The following DNM3 variants were observed in gnomAD, a reference collection of about 807,000 sequenced individuals.
The protein encoded by DNM3 is dynamin 3.
In DNM3, 47 loss-of-function variants were observed where a neutral mutation model predicts 101.6. The observed-to-expected ratio is 0.46, with a 90% CI of 0.37 to 0.59. DNM3 has a LOEUF of 0.59. Ranked by LOEUF, DNM3 falls within the 20% of genes least tolerant of loss-of-function variation. The pLI, the probability that DNM3 is intolerant of heterozygous loss-of-function variation, is 0.00. For missense variants in DNM3, 849 were observed against 1,085.7 expected (o/e 0.78, Z 3.06); for synonymous variants, 385 against 387.9 (o/e 0.99, Z 0.09).
At chr1:172,208,429 T>C (rs2060397247) in intron 14 of DNM3, among the ~76,000 whole-genome samples, 1 of 152,116 alleles carries the variant, frequency 6.6e-6, no homozygotes, top group Admixed American at 6.6e-5. Context: ...TTAATAGATT[T>C]AGAGTAAAGC....
At chr1:172,367,679 A>G (rs937716784) in intron 17 of DNM3, among the ~76,000 whole-genome samples, 8 of 151,890 alleles carry the variant, frequency 5.3e-5, no homozygotes, top group African/African-American at 1.9e-4. Flanking sequence ...AGACCAAACT[A>G]TATGCCGCCT....
intron 14 of DNM3, among the ~76,000 whole-genome samples, chr1:172,190,824 G>A (rs2059691842): frequency 6.6e-6 from 1 of 152,196 alleles, no homozygotes; most frequent in Non-Finnish European, 1.5e-5. Context: ...CTTTTGAGAA[G>A]TGTCTGTTCA....
intron 4 of DNM3, among the ~76,000 whole-genome samples, chr1:172,004,249 G>A (rs2046534680): frequency 6.6e-6 from 1 of 151,968 alleles, no homozygotes; most frequent in Non-Finnish European, 1.5e-5. Context: ...AAGAAAAATG[G>A]GAGAATAGGA....
At chr1:172,348,818 A>T (rs761140235) in intron 17 of DNM3, among the ~76,000 whole-genome samples, 1 of 152,204 alleles carries the variant, frequency 6.6e-6, no homozygotes, top group African/African-American at 2.4e-5. Flanking sequence ...TCTGAGCTAG[A>T]GTTCTTATTT....
intron 2 of DNM3, among the ~76,000 whole-genome samples, chr1:171,923,086 G>A (rs1571630699): frequency 6.6e-6 from 1 of 152,184 alleles, no homozygotes; most frequent in African/African-American, 2.4e-5. Context: ...GCTGGGCCAT[G>A]TAGTAACTCT....
chr1:172,119,847 C>G (rs1308997356), intron 13 of DNM3, among the ~76,000 whole-genome samples: 1 of 152,196 alleles, frequency 6.6e-6, no homozygotes, highest in Non-Finnish European at 1.5e-5. Flanking sequence ...TCATCTTCGA[C>G]ACCCCTTTCT....
chr1:172,210,861 T>C (rs938690647), intron 14 of DNM3, among the ~76,000 whole-genome samples: 2 of 152,090 alleles, frequency 1.3e-5, no homozygotes, highest in South Asian at 2.1e-4. Flanking sequence ...ATTTCATTCC[T>C]AGCGATAGCA....
chr1:171,878,501 T>G (rs1254558473), intron 1 of DNM3, among the ~76,000 whole-genome samples: 1 of 152,168 alleles, frequency 6.6e-6, no homozygotes, highest in Non-Finnish European at 1.5e-5. Context: ...AGCATGTTTC[T>G]GTAGAAGGAT....
At chr1:172,210,959 C>A (rs1015297593) in intron 14 of DNM3, among the ~76,000 whole-genome samples, 12 of 152,072 alleles carry the variant, frequency 7.9e-5, no homozygotes, top group African/African-American at 2.7e-4. Context: ...TTTCAGCCAT[C>A]CTTCCCTCCC....
chr1:172,114,657 C>G (rs923119248), intron 13 of DNM3, among the ~76,000 whole-genome samples: 5 of 152,098 alleles, frequency 3.3e-5, no homozygotes, highest in African/African-American at 1.2e-4. Context: ...GTTACAAGTA[C>G]TGTTTAGTGC....
chr1:172,188,717 A>T (rs2059605255), intron 14 of DNM3, among the ~76,000 whole-genome samples: 1 of 152,084 alleles, frequency 6.6e-6, no homozygotes, highest in African/African-American at 2.4e-5. Context: ...TTGCTGCATC[A>T]TATGGTAAGA....
chr1:171,858,443 A>G (rs970984722), intron 1 of DNM3, among the ~76,000 whole-genome samples: 6 of 152,122 alleles, frequency 3.9e-5, no homozygotes, highest in African/African-American at 9.7e-5. Flanking sequence ...CCCGATAACC[A>G]TCACACAACT....
At chr1:172,185,197 C>T (rs1358452949) in intron 14 of DNM3, among the ~76,000 whole-genome samples, 1 of 152,050 alleles carries the variant, frequency 6.6e-6, no homozygotes, top group Non-Finnish European at 1.5e-5. Context: ...CCTTTATTTG[C>T]ATCGGCAGTG....
intron 1 of DNM3, among the ~76,000 whole-genome samples, chr1:171,908,642 A>G (rs2039027477): frequency 6.8e-6 from 1 of 146,554 alleles, no homozygotes; most frequent in Non-Finnish European, 1.5e-5. Flanking sequence ...TTCATTTTAA[A>G]GTATTTTAAA....
chr1:172,223,634 C>CTGTT (rs1415541024), intron 14 of DNM3, among the ~76,000 whole-genome samples: 1 of 152,102 alleles, frequency 6.6e-6, no homozygotes, highest in Non-Finnish European at 1.5e-5. Flanking sequence ...CTATTGTTCC[C>CTGTT]TATTTCAGTG....
chr1:172,199,922 A>G (rs545318538), intron 14 of DNM3, among the ~76,000 whole-genome samples: 2 of 140,798 alleles, frequency 1.4e-5, no homozygotes, highest in South Asian at 2.2e-4. Flanking sequence ...GTTAGTATTG[A>G]TATGTGTGGA....
chr1:171,987,800 C>T lies in DNM3; in HGVS notation c.380C>T (p.Pro127Leu), dbSNP rs1315811847. 3 of 1,549,120 alleles carry T rather than the reference C, an allele frequency of 1.9e-6. No individual in the cohort carries two copies. The South Asian group carries it at 3.8e-5, about 19-fold the overall frequency. ...SIPINLRVYS[P>L]HVLNLTLIDL... is the part of the protein sequence containing the mutation. Reference sequence around the variant, plus strand: ...CCCATTAATTTACGAGTCTATTCCCCACACGGTAAGTAAAATAATAAAATT... The same window carrying T: ...CCCATTAATTTACGAGTCTATTCCCTACACGGTAAGTAAAATAATAAAATT... The change falls in exon 3 of 21, where the codon CCA becomes CTA. Residue 127 changes from proline to leucine, a missense_variant. Physicochemically the swap from Pro to Leu is moderately conservative, Grantham distance 98. Transcript: ENST00000627582.
At chr1:172,253,536 T>TCTCCC in intron 14 of DNM3, 37 bp from the exon 15 acceptor site, 1 of 1,253,992 alleles carries the variant, frequency 8.0e-7, no homozygotes, top group Non-Finnish European at 1.1e-6. Context: ...TCTCCTCTCC[T>TCTCCC]CTCCTCTCCC....
At chr1:172,218,389 A>G (rs1572991883) in intron 14 of DNM3, among the ~76,000 whole-genome samples, 4 of 152,240 alleles carry the variant, frequency 2.6e-5, no homozygotes, top group Admixed American at 2.6e-4. Flanking sequence ...CACTGGTAAC[A>G]TTAAAATTAA....
Sources: gnomAD v4.1 joint callset for allele counts (sites outside exome capture counted in the v4.1 genomes callset) on GRCh38, gnomAD v4.1.1 for gene constraint, MANE v1.5 for transcripts, NCBI Gene and HGNC (gene_info 2026-07-23, HGNC 2026-07-21) for gene names.